Variants in WLS observed in about 807,000 individuals in gnomAD.
WLS encodes the protein protein wntless homolog.
WLS carries 23 observed loss-of-function variants against 62.8 expected under a neutral mutation model. That is an observed-to-expected ratio of 0.37 (90% CI 0.26 to 0.52). The LOEUF is 0.52. Among genes scored for constraint, WLS ranks in the 20% least tolerant of loss-of-function variants. The probability of loss-of-function intolerance (pLI) is 0.92; values close to 1 mark genes in which losing one functional copy is unlikely to be tolerated. For missense variants in WLS, 615 were observed against 697.3 expected (o/e 0.88, Z 1.33); for synonymous variants, 246 against 244.1 (o/e 1.01, Z -0.07).
chr1:68,098,680 G>A (rs776088338), exon 12 of WLS: 25 of 1,613,854 alleles, frequency 1.5e-5, no homozygotes, highest in African/African-American at 8.0e-5. Context: ...ATTTCGAAGC[G>A]CTGAACAATT....
intron 2 of WLS, among the ~76,000 whole-genome samples, chr1:68,172,352 TAA>T (rs1647167472): frequency 2.6e-5 from 4 of 151,262 alleles, no homozygotes; most frequent in African/African-American, 7.3e-5. Context: ...ATGCTGTATA[TAA>T]ATAAATACAA....
chr1:68,214,324 T>C (rs191907635), intron 1 of WLS, among the ~76,000 whole-genome samples: 2 of 152,184 alleles, frequency 1.3e-5, no homozygotes, highest in Admixed American at 1.3e-4. Context: ...AAGCTAACTG[T>C]CCAAATACAC....
rs79059340 is a variant in WLS at position 68,162,007 on chromosome 1, G to A, written c.380-2760C>T. 139 of 1,599,182 alleles carry A rather than the reference G, an allele frequency of 8.7e-5. 2 individuals carry two copies. The African/African-American group carries it at 1.4e-3, about 16-fold the overall frequency. On this transcript the variant is annotated intron_variant, in intron 2 of 11. Coordinates refer to ENST00000262348, the MANE Select transcript of WLS (RefSeq NM_024911.7). The stretch of plus-strand genomic sequence containing the variant: ...TACTGACCAAGGCGCTGATGTGACA[G>A]AGAATTCCTTGTTCACACAGTTTCT...
At chr1:68,231,743 C>G (rs1430714310) in intron 1 of WLS, 1 of 465,194 alleles carries the variant, frequency 2.1e-6, no homozygotes, top group Non-Finnish European at 4.3e-6. Flanking sequence ...TCCGGGTTTG[C>G]GCCGGGCACA....
At chr1:68,228,492 C>A (rs776626897) in intron 1 of WLS, among the ~76,000 whole-genome samples, 5 of 152,122 alleles carry the variant, frequency 3.3e-5, no homozygotes, top group Non-Finnish European at 4.4e-5. Context: ...ACCCCCAAAG[C>A]TGCCTTTTCA....
chr1:68,216,028 G>A (rs1649713993), intron 1 of WLS, among the ~76,000 whole-genome samples: 1 of 152,158 alleles, frequency 6.6e-6, no homozygotes, highest in African/African-American at 2.4e-5. Flanking sequence ...AACTGTTCAT[G>A]GGAATGGCTT....
At chr1:68,219,386 C>T (rs958407299) in intron 1 of WLS, among the ~76,000 whole-genome samples, 1 of 152,152 alleles carries the variant, frequency 6.6e-6, no homozygotes, top group Admixed American at 6.5e-5. Context: ...AATGGAAAAA[C>T]GTCCCTTTCC....
chr1:68,131,101 CAGGG>C (rs1646515251), intron 11 of WLS, among the ~76,000 whole-genome samples: 2 of 27,806 alleles, frequency 7.2e-5, no homozygotes, highest in Non-Finnish European at 1.2e-4. Context: ...TAAGTAGAGA[CAGGG>C]TTTCACCGCA....
At position 68,155,348 on chromosome 1, in the gene WLS, T is replaced by G; in HGVS notation, c.505-88A>C. 4.1e-6 allele frequency: 6 copies of G among 1,470,438 alleles called. No homozygotes were observed. The South Asian group carries it at 6.9e-5, about 17-fold the overall frequency. The allele number at this position is 1,470,438 out of a possible 1,614,324, so 91.1% of individuals were successfully genotyped here. A position where few individuals can be genotyped will look rare whatever the true frequency, so the allele number is the denominator to read the frequency against. On this transcript the variant is annotated intron_variant, in intron 3 of 11. Transcript: ENST00000262348. ...TGTTACCCTGGATCCATAACATCAA[T>G]TGTAAGCAGCTAATGCTTAAAGGTA...
intron 11 of WLS, among the ~76,000 whole-genome samples, chr1:68,118,179 T>G (rs1231128934): frequency 1.3e-5 from 2 of 152,210 alleles, no homozygotes; most frequent in African/African-American, 4.8e-5. Context: ...GCTACCCGTG[T>G]AACAGACAAA....
At chr1:68,219,847 A>G (rs1649873338) in intron 1 of WLS, among the ~76,000 whole-genome samples, 1 of 152,226 alleles carries the variant, frequency 6.6e-6, no homozygotes. Flanking sequence ...GTTTGACTTT[A>G]AGAAGTCTTT....
intron 1 of WLS, among the ~76,000 whole-genome samples, chr1:68,230,720 A>C (rs957503624): frequency 2.6e-5 from 4 of 152,172 alleles, no homozygotes; most frequent in African/African-American, 7.2e-5. Flanking sequence ...GGATAAATGC[A>C]CACAGAGAAA....
At chr1:68,213,995 C>T (rs1193133523) in intron 1 of WLS, among the ~76,000 whole-genome samples, 1 of 152,218 alleles carries the variant, frequency 6.6e-6, no homozygotes, top group Non-Finnish European at 1.5e-5. Context: ...TAAAGCTTCT[C>T]TTCTGCCTTC....
At chr1:68,210,221 T>G (rs542548954) in intron 1 of WLS, among the ~76,000 whole-genome samples, 1 of 152,230 alleles carries the variant, frequency 6.6e-6, no homozygotes, top group East Asian at 1.9e-4. Flanking sequence ...GTAGCAGAGG[T>G]AAACTTAACC....
chr1:68,227,480 TAA>T (rs1650209253), intron 1 of WLS, among the ~76,000 whole-genome samples: 1 of 151,432 alleles, frequency 6.6e-6, no homozygotes, highest in South Asian at 2.1e-4. Context: ...ACCAAATAGT[TAA>T]GTTTTTTTTA....
At chr1:68,196,208 G>A (rs1351147532) in intron 1 of WLS, among the ~76,000 whole-genome samples, 1 of 151,554 alleles carries the variant, frequency 6.6e-6, no homozygotes, top group Non-Finnish European at 1.5e-5. Flanking sequence ...TCCTTCCCCA[G>A]CGTTTAGTTT....
Position 68,145,914 on chromosome 1 carries a change from C to A in WLS, c.1233G>T (p.Gln411His). ...CTTTGCTCATAGCTGGCAGGCTGGA[C>A]TGCTTCCCACTGATGTTCCGAAACA... is the stretch of plus-strand genomic sequence containing the variant. ...FQVFRNISGK[Q>H]SSLPAMSKVR... Residue 411 changes from glutamine (Q) to histidine (H), a missense_variant, in exon 9 of 12, where the codon CAG becomes CAT. Transcript: ENST00000262348. 6.2e-7 allele frequency: 1 copy of A among 1,614,178 alleles called. No individual in the cohort carries two copies. Among genetic ancestry groups the A allele is most frequent in the Non-Finnish European group, 8.5e-7 (1 of 1,180,036 alleles).
intron 10 of WLS, among the ~76,000 whole-genome samples, chr1:68,143,789 T>C (rs944413214): frequency 6.6e-6 from 1 of 152,216 alleles, no homozygotes; most frequent in Non-Finnish European, 1.5e-5. Context: ...CCTGTAGTCA[T>C]TACAGCAACC....
intron 2 of WLS, among the ~76,000 whole-genome samples, chr1:68,184,902 T>A (rs1349326632): frequency 6.6e-6 from 1 of 152,026 alleles, no homozygotes; most frequent in East Asian, 1.9e-4. Flanking sequence ...ACTACCACCA[T>A]TTAGAAGTTG....
Sources: allele counts gnomAD v4.1 joint callset (sites outside exome capture counted in the v4.1 genomes callset), GRCh38; gene constraint gnomAD v4.1.1; transcripts MANE v1.5; gene names NCBI Gene and HGNC (gene_info 2026-07-23, HGNC 2026-07-21).